MRPS27: variants seen among roughly 807,000 people sequenced by gnomAD.
MRPS27 encodes the protein small ribosomal subunit protein mS27.
Under a neutral mutation model 48.9 loss-of-function variants are expected in MRPS27, and 43 were observed. The observed-to-expected ratio is 0.88, with a 90% confidence interval of 0.69 to 1.13. The LOEUF (loss-of-function observed/expected upper bound fraction) is 1.13, where lower values mean the gene tolerates loss of function less well. Ranked by LOEUF, MRPS27 falls within the 50% of genes most tolerant of loss-of-function variation. The pLI is 0.00. For missense variants in MRPS27, 467 were observed against 476.3 expected, an observed-to-expected ratio of 0.98 and a Z score of 0.18; for synonymous variants, 188 against 171.9, an observed-to-expected ratio of 1.09 and a Z score of -0.73.
chr5:72,319,425 G>A (rs1253099634), intron 1 of MRPS27, among the ~76,000 whole-genome samples: 1 of 152,020 alleles, frequency 6.6e-6, no homozygotes. Flanking sequence ...AAGACCAGGG[G>A]TCCAGCTAAA....
chr5:72,266,254 G>C (rs1018168829), intron 4 of MRPS27, among the ~76,000 whole-genome samples: 1 of 152,128 alleles, frequency 6.6e-6, no homozygotes, highest in Non-Finnish European at 1.5e-5. Context: ...ATTCTCAAAG[G>C]CCTCCTTCTC....
intron 4 of MRPS27, among the ~76,000 whole-genome samples, chr5:72,240,349 A>G (rs1466300156): frequency 6.6e-6 from 1 of 152,218 alleles, no homozygotes; most frequent in Non-Finnish European, 1.5e-5. Flanking sequence ...CTAGAGGCTG[A>G]AGGGTTTTTG....
At chr5:72,319,962 A>G in intron 1 of MRPS27, 187 bp downstream of exon 1, 1 of 638,152 alleles carries the variant, frequency 1.6e-6, no homozygotes, top group South Asian at 1.9e-5. Flanking sequence ...TTGGACAGGA[A>G]CATACTGTTA....
intron 4 of MRPS27, among the ~76,000 whole-genome samples, chr5:72,266,518 A>G (rs1375678926): frequency 6.6e-6 from 1 of 152,254 alleles, no homozygotes; most frequent in Middle Eastern, 3.2e-3. Context: ...CTACAGGTAG[A>G]GAAATAACAA....
intron 2 of MRPS27, among the ~76,000 whole-genome samples, chr5:72,313,833 C>T (rs939176572): frequency 5.3e-5 from 8 of 152,038 alleles, no homozygotes; most frequent in African/African-American, 1.7e-4. Flanking sequence ...GGACAAAAAA[C>T]AGAAGAAAGG....
At position 72,238,046 on chromosome 5, in the gene MRPS27, G is replaced by A. The variant is rs563887275; in HGVS notation, c.364C>T (p.Gln122Ter). The change falls in exon 5 of 11, where the codon CAA becomes TAA. Residue 122 changes from glutamine (Q) to a stop codon, truncating the protein, a stop_gained. Transcript: ENST00000261413. LOFTEE classifies it high-confidence loss of function. Reference protein sequence around the residue: ...WIRQCLKYDAQDKALYTLVNK... With the variant: ...WIRQCLKYDA Reference sequence around the variant, plus strand: ...ACAAGGGTATATAGGGCTTTGTCTTGTGCATCATATTTTAGACACTGCCTA... The same window carrying A: ...ACAAGGGTATATAGGGCTTTGTCTTATGCATCATATTTTAGACACTGCCTA... 1 of 1,613,370 alleles carries A rather than the reference G, an allele frequency of 6.2e-7. No homozygotes were observed. Among genetic ancestry groups the A allele is most frequent in the Non-Finnish European group, 8.5e-7 (1 of 1,179,520 alleles).
At chr5:72,227,576 T>G (rs1043414393) in intron 8 of MRPS27, 4 of 152,058 alleles carry the variant, frequency 2.6e-5, no homozygotes, top group African/African-American at 9.6e-5. Flanking sequence ...GATGGGAGAG[T>G]AATGAAATAA....
chr5:72,276,151 C>G (rs1348308172), intron 4 of MRPS27, among the ~76,000 whole-genome samples: 1 of 152,000 alleles, frequency 6.6e-6, no homozygotes, highest in East Asian at 1.9e-4. Context: ...ATCACGCTAC[C>G]CAACTTCAAA....
intron 4 of MRPS27, among the ~76,000 whole-genome samples, chr5:72,255,025 TTTTC>T (rs1561341167): frequency 7.3e-6 from 1 of 137,442 alleles, no homozygotes; most frequent in African/African-American, 3.1e-5. Context: ...AACACATTTC[TTTTC>T]TTTTTTTTTT....
chr5:72,241,646 C>A, intron 4 of MRPS27: 1 of 1,535,360 alleles, frequency 6.5e-7, no homozygotes, highest in Admixed American at 2.0e-5. Flanking sequence ...TGGGCACTTG[C>A]CTGGAATAAT....
intron 6 of MRPS27, among the ~76,000 whole-genome samples, chr5:72,233,337 T>C (rs1021754699): frequency 4.6e-5 from 7 of 152,086 alleles, no homozygotes; most frequent in Non-Finnish European, 7.4e-5. Flanking sequence ...TTCTACAACA[T>C]AGATGGAGGC....
intron 2 of MRPS27, among the ~76,000 whole-genome samples, chr5:72,299,248 C>T (rs920470860): frequency 1.3e-5 from 2 of 151,694 alleles, no homozygotes; most frequent in Admixed American, 1.3e-4. Flanking sequence ...CACATGTACT[C>T]CCTGAATCTA....
At chr5:72,303,882 CAAAAAAAAAAAAA>C (rs397818748) in intron 2 of MRPS27, among the ~76,000 whole-genome samples, 2 of 69,164 alleles carry the variant, frequency 2.9e-5, no homozygotes, top group Admixed American at 1.9e-4. Flanking sequence ...GACCTCATCT[CAAAAAAAAAAAAA>C]AAAAAAAAAA....
intron 3 of MRPS27, 47 bp from the exon 4 acceptor site, chr5:72,295,636 T>A (rs1242632233): frequency 6.8e-7 from 1 of 1,481,228 alleles, no homozygotes; most frequent in South Asian, 1.1e-5. Flanking sequence ...AATTATGTCA[T>A]ATATTTGGCC....
At chr5:72,247,615 A>G in intron 4 of MRPS27, among the ~76,000 whole-genome samples, 1 of 152,366 alleles carries the variant, frequency 6.6e-6, no homozygotes, top group South Asian at 2.1e-4. Flanking sequence ...TCCCTAAAGT[A>G]CATTATAACT....
chr5:72,267,207 G>A (rs1001971986), intron 4 of MRPS27, among the ~76,000 whole-genome samples: 1 of 152,174 alleles, frequency 6.6e-6, no homozygotes, highest in African/African-American at 2.4e-5. Context: ...TTCCAATCTA[G>A]TGCTTACTGC....
At chr5:72,306,035 C>A (rs1219558338) in intron 2 of MRPS27, among the ~76,000 whole-genome samples, 1 of 152,160 alleles carries the variant, frequency 6.6e-6, no homozygotes, top group Non-Finnish European at 1.5e-5. Flanking sequence ...ATGGCCCTAT[C>A]AATAAAAGTA....
chr5:72,233,749 T>C (rs189426254), intron 6 of MRPS27, among the ~76,000 whole-genome samples: 2 of 151,914 alleles, frequency 1.3e-5, no homozygotes, highest in East Asian at 3.9e-4. Context: ...AAAAATTCAG[T>C]TGAAAAAAAA....
At chr5:72,307,062 G>A (rs1249859412) in intron 2 of MRPS27, among the ~76,000 whole-genome samples, 1 of 152,138 alleles carries the variant, frequency 6.6e-6, no homozygotes, top group African/African-American at 2.4e-5. Context: ...GAGAGTATCA[G>A]GGATACCTGA....
Sources: allele counts gnomAD v4.1 joint callset (sites outside exome capture counted in the v4.1 genomes callset), GRCh38; gene constraint gnomAD v4.1.1; transcripts MANE v1.5; gene names NCBI Gene and HGNC (gene_info 2026-07-23, HGNC 2026-07-21).